LDLRAP1: variants seen among roughly 807,000 people sequenced by gnomAD.
LDLRAP1 encodes low density lipoprotein receptor adapter protein 1.
A neutral mutation model predicts 37.8 loss-of-function variants in LDLRAP1; 30 were observed. The observed-to-expected ratio is 0.79, with a 90% CI of 0.59 to 1.08. The LOEUF is 1.08. Ranked by LOEUF, LDLRAP1 falls within the 50% of genes least tolerant of loss-of-function variation. LDLRAP1 has a pLI of 0.00. For missense variants in LDLRAP1, 375 were observed against 401.6 expected (o/e 0.93, Z 0.57); for synonymous variants, 156 against 169.8 (o/e 0.92, Z 0.63).
chr1:25,578,204 C>T, the LDLRAP1 span, among the ~76,000 whole-genome samples: 9 of 152,098 alleles, frequency 5.9e-5, no homozygotes, highest in South Asian at 2.1e-4. Flanking sequence ...AGCGGGTGAC[C>T]GTTGACTAAA....
rs367810885 is a variant in LDLRAP1, at chr1:25,554,046, C to G, written c.213C>G (p.Ile71Met). 1 of 1,614,052 alleles carries G rather than the reference C, an allele frequency of 6.2e-7. No homozygotes were observed. Among genetic ancestry groups the G allele is most frequent in the African/African-American group, 1.3e-5 (1 of 75,062 alleles). The change falls in exon 2 of 9, where the codon ATC becomes ATG. Residue 71 changes from isoleucine (I) to methionine (M), a missense_variant. Physicochemically the swap from Ile to Met is conservative, Grantham distance 10 (BLOSUM62 1). Transcript: ENST00000374338. This position sits in a 1 kb window ranked among gnomAD's most constrained non-coding sequence, Gnocchi z 5.4. ...GTGAGGAGCTGTCGGCCGCCGCCATCAAGAGGATCGTGGCTACAGTGAGCA... is the reference window on the plus strand; with the variant it reads ...GTGAGGAGCTGTCGGCCGCCGCCATGAAGAGGATCGTGGCTACAGTGAGCA... ...PKGEELSAAA[I>M]KRIVATAKAS... is the part of the protein sequence containing the mutation.
At position 25,553,954 on chromosome 1, in the gene LDLRAP1, A is replaced by G; in HGVS notation, c.121A>G (p.Thr41Ala). The G allele has an allele frequency of 6.2e-7, 1 of 1,613,902 alleles. No individual in the cohort carries two copies. The highest frequency in any genetic ancestry group is 8.5e-7 in the Non-Finnish European group (1 of 1,179,986). ...LPENWTDTRE[T>A]LLEGMLFSLK... ...TGAGAACTGGACAGACACGCGGGAG[A>G]CGCTGCTGGAGGGGATGCTGTTCAG... Residue 41 changes from threonine (T) to alanine (A), a missense_variant, in exon 2 of 9, where the codon ACG becomes GCG. Transcript: ENST00000374338.
chr1:25,554,295 C>CA lies in LDLRAP1; in HGVS notation c.231+231_231+232insA, dbSNP rs1481719675. ...TTATGGCCTCTTCCAGCCTCCCCAC[C>CA]CCCAGCTCAGGCTCCCTACCAATGC... is the stretch of plus-strand genomic sequence containing the variant. On this transcript the variant is annotated intron_variant, in intron 2 of 8. Transcript: ENST00000374338. This position sits in a 1 kb window ranked among gnomAD's most constrained non-coding sequence, Gnocchi z 5.4. Among the ~76,000 whole-genome samples the CA allele has an allele frequency of 6.6e-6, 1 of 152,130 alleles. No homozygotes were observed. The highest frequency in any genetic ancestry group is 1.5e-5 in the Non-Finnish European group (1 of 68,000).
downstream of LDLRAP1, among the ~76,000 whole-genome samples, chr1:25,569,846 CG>C (rs1458673288): frequency 2.0e-5 from 3 of 152,260 alleles, no homozygotes; most frequent in Non-Finnish European, 4.4e-5. Context: ...AAGTGCTGGG[CG>C]GGGCCACAGC....
At chr1:25,548,836 T>A (rs2044003313) in intron 1 of LDLRAP1, among the ~76,000 whole-genome samples, 1 of 152,104 alleles carries the variant, frequency 6.6e-6, no homozygotes, top group African/African-American at 2.4e-5. Flanking sequence ...AATTATTTTT[T>A]GTAGAGACGA....
At chr1:25,553,795 G>A (rs1331099852) in intron 1 of LDLRAP1, 127 bp from the exon 2 acceptor site, 49 of 985,490 alleles carry the variant, frequency 5.0e-5, no homozygotes, top group Non-Finnish European at 6.8e-5. Flanking sequence ...AAAAAGAGTG[G>A]CAGTAGTGGT....
chr1:25,558,228 A>G (rs937825591), intron 4 of LDLRAP1, among the ~76,000 whole-genome samples: 2 of 152,116 alleles, frequency 1.3e-5, no homozygotes, highest in Admixed American at 6.5e-5. Flanking sequence ...GACACCTGTT[A>G]ACCTCTGTTG....
intron 6 of LDLRAP1, 170 bp from the exon 7 acceptor site, chr1:25,563,491 C>T: frequency 1.2e-6 from 1 of 857,310 alleles, no homozygotes; most frequent in Non-Finnish European, 1.9e-6. Flanking sequence ...CAGGTTCTCA[C>T]TCTGTGGGCA....
At position 25,568,000 on chromosome 1, in the gene LDLRAP1, G is replaced by A. The variant is rs1464459496; in HGVS notation, c.*1008G>A. The A allele has an allele frequency of 6.6e-6, 1 of 152,612 alleles. No homozygotes were observed. The highest frequency in any genetic ancestry group is 2.4e-5 in the African/African-American group (1 of 41,436). 9.5% of individuals were successfully genotyped at this position (152,612 alleles called of 1,614,324 possible). ...AACAGGCCTCAAGCGTGGAGGGGTA[G>A]AGTGAAGAGTAGAACCCAGGTCTGA... is the stretch of plus-strand genomic sequence containing the variant. On this transcript the variant is annotated 3_prime_UTR_variant, in exon 9 of 9. Coordinates refer to ENST00000374338, the MANE Select transcript of LDLRAP1 (RefSeq NM_015627.3).
chr1:25,565,307 C>T, intron 8 of LDLRAP1, 100 bp downstream of exon 8: 1 of 1,275,850 alleles, frequency 7.8e-7, no homozygotes, highest in East Asian at 2.3e-5. Context: ...AGAACACAAG[C>T]CACTCAGACC....
chr1:25,565,097 G>T (rs1456699101), intron 7 of LDLRAP1, 76 bp from the exon 8 acceptor site: 2 of 1,521,820 alleles, frequency 1.3e-6, no homozygotes, highest in Non-Finnish European at 1.8e-6. Flanking sequence ...AGCTTACCCA[G>T]GGCTGGGACA....
At chr1:25,562,951 G>T (rs886221574) in intron 5 of LDLRAP1, 119 bp from the exon 6 acceptor site, 27 of 1,019,492 alleles carry the variant, frequency 2.6e-5, no homozygotes, top group Middle Eastern at 4.0e-4. Context: ...CTTTCCTCCC[G>T]GCTGGAAACC....
At chr1:25,565,015 C>T in intron 7 of LDLRAP1, 158 bp from the exon 8 acceptor site, 1 of 749,630 alleles carries the variant, frequency 1.3e-6, no homozygotes, top group Non-Finnish European at 2.4e-6. Context: ...GCTGGCGATG[C>T]ACCCAGGCAG....
chr1:25,568,469 T>G lies in LDLRAP1; in HGVS notation c.*1477T>G, dbSNP rs1057515540. On this transcript the variant is annotated 3_prime_UTR_variant, in exon 9 of 9. Coordinates refer to ENST00000374338, the MANE Select transcript of LDLRAP1 (RefSeq NM_015627.3). ...AGGTGCCTCCCAGTGGCCTGGCTTG[T>G]CGGAGCAAGTTTCATCAGCCCTAGG... 1 of 152,262 alleles carries G rather than the reference T, an allele frequency of 6.6e-6. No individual in the cohort carries two copies. Among genetic ancestry groups the G allele is most frequent in the Non-Finnish European group, 1.5e-5 (1 of 68,054 alleles). 9.4% of individuals were successfully genotyped at this position (152,262 alleles called of 1,614,324 possible).
chr1:25,546,152 TG>T (rs2043928876), intron 1 of LDLRAP1, among the ~76,000 whole-genome samples: 1 of 152,030 alleles, frequency 6.6e-6, no homozygotes, highest in South Asian at 2.1e-4. Flanking sequence ...ATGGGGTATG[TG>T]GGGGTGGGGG....
Position 25,567,236 on chromosome 1 carries a change from C to T in LDLRAP1, c.*244C>T. On this transcript the variant is annotated 3_prime_UTR_variant, in exon 9 of 9. Transcript: ENST00000374338. ...GTGACTTCTGGCTTATGCTCAGAAGCCAGTCTGCGTCAGGCACGTCTCCTG... is the reference window on the plus strand; with the variant it reads ...GTGACTTCTGGCTTATGCTCAGAAGTCAGTCTGCGTCAGGCACGTCTCCTG... 1.8e-6 allele frequency: 1 copy of T among 571,388 alleles called. No homozygotes were observed. The highest frequency in any genetic ancestry group is 3.2e-6 in the Non-Finnish European group (1 of 316,574). The allele number at this position is 571,388 out of a possible 1,614,324, so 35.4% of individuals were successfully genotyped here.
rs1553170236 is a variant in LDLRAP1, at chr1:25,543,673, A to AGCAGCGGCG, written c.-24_-23insAGCGGCGGC. On this transcript the variant is annotated 5_prime_UTR_variant, in exon 1 of 9. Transcript: ENST00000374338. ...TTCCTGACGGAGTTTTGGCTGCGGC[A>AGCAGCGGCG]GCGGCGGCGGCGGCCGGAGCGGGCC... 1 of 1,207,624 alleles carries AGCAGCGGCG rather than the reference A, an allele frequency of 8.3e-7. No individual in the cohort carries two copies. The highest frequency in any genetic ancestry group is 1.0e-6 in the Non-Finnish European group (1 of 971,514). 74.8% of individuals were successfully genotyped at this position (1,207,624 alleles called of 1,614,324 possible).
At chr1:25,570,281 C>T (rs1490337172), downstream of LDLRAP1, among the ~76,000 whole-genome samples, 1 of 152,328 alleles carries the variant, frequency 6.6e-6, no homozygotes, top group African/African-American at 2.4e-5. Context: ...CCGGATGTCT[C>T]GGATTATGAA....
chr1:25,566,716 A>T, intron 8 of LDLRAP1, 132 bp from the exon 9 acceptor site: 1 of 1,108,088 alleles, frequency 9.0e-7, no homozygotes, highest in Non-Finnish European at 1.3e-6. Context: ...AGGTTACTCC[A>T]CCTCCCCTGC....
Sources: allele counts gnomAD v4.1 joint callset (sites outside exome capture counted in the v4.1 genomes callset), GRCh38; gene constraint gnomAD v4.1.1; non-coding constraint Gnocchi (gnomAD v3.1); transcripts MANE v1.5; gene names NCBI Gene and HGNC (gene_info 2026-07-23, HGNC 2026-07-21).